NALCN: variants seen among roughly 807,000 people sequenced by gnomAD.
NALCN encodes sodium leak channel, non-selective, also known as sodium leak channel NALCN.
NALCN carries 111 observed loss-of-function variants against 225.3 expected under a neutral mutation model. The observed-to-expected ratio is 0.49, with a 90% CI of 0.42 to 0.58. NALCN has a LOEUF of 0.58. Ranked by LOEUF, NALCN falls within the 20% of genes least tolerant of loss-of-function variation. The pLI is 0.00. For missense variants in NALCN, 1,378 were observed against 2,202.4 expected, an observed-to-expected ratio of 0.63 and a Z score of 7.49; for synonymous variants, 764 against 769.0, an observed-to-expected ratio of 0.99 and a Z score of 0.11.
rs373643944 is a variant in NALCN at position 101,202,737 on chromosome 13, A to G, written c.1627-10683T>C. ...ACAAAGCTCCTGCTCCCATTAGTAC[A>G]TGCCTATCAGCCAGGAGCTTTTCAA... On this transcript the variant is annotated intron_variant, in intron 13 of 43. Transcript: ENST00000251127. Among the ~76,000 whole-genome samples, 36 of 152,280 alleles carry G rather than the reference A, an allele frequency of 2.4e-4. No homozygotes were observed. In the South Asian group the frequency reaches 7.3e-3, roughly 31 times the overall value.
At chr13:101,288,245 C>A (rs1002134053) in intron 9 of NALCN, among the ~76,000 whole-genome samples, 1 of 152,128 alleles carries the variant, frequency 6.6e-6, no homozygotes, top group Non-Finnish European at 1.5e-5. Context: ...GCTAGAAGCA[C>A]CCTTCCCTGA....
intron 10 of NALCN, among the ~76,000 whole-genome samples, chr13:101,271,057 A>G (rs2042760268): frequency 6.6e-6 from 1 of 152,228 alleles, no homozygotes; most frequent in Admixed American, 6.5e-5. Context: ...GGATGAAAAT[A>G]TAATAGGAGA....
chr13:101,260,845 A>C (rs2042401230), intron 10 of NALCN, among the ~76,000 whole-genome samples: 1 of 152,084 alleles, frequency 6.6e-6, no homozygotes, highest in Admixed American at 6.5e-5. Flanking sequence ...TGTTAATTGT[A>C]TCTTTTGCTG....
intron 18 of NALCN, among the ~76,000 whole-genome samples, chr13:101,112,244 C>A (rs1408970497): frequency 1.3e-5 from 2 of 150,052 alleles, no homozygotes; most frequent in African/African-American, 2.4e-5. Flanking sequence ...CCTACAGAAA[C>A]CTCAATCTGA....
At chr13:101,239,093 GC>G (rs937441182) in intron 11 of NALCN, among the ~76,000 whole-genome samples, 8 of 151,938 alleles carry the variant, frequency 5.3e-5, no homozygotes, top group Non-Finnish European at 8.8e-5. Context: ...GAACTCCTTT[GC>G]CCACGTTTCT....
chr13:101,409,714 A>G (rs778528629), intron 1 of NALCN, among the ~76,000 whole-genome samples: 4 of 152,268 alleles, frequency 2.6e-5, no homozygotes, highest in Non-Finnish European at 4.4e-5. Flanking sequence ...TAAACATAAC[A>G]GAAGATCAAA....
intron 6 of NALCN, among the ~76,000 whole-genome samples, chr13:101,357,435 T>C (rs1316817268): frequency 6.6e-6 from 1 of 152,038 alleles, no homozygotes; most frequent in Non-Finnish European, 1.5e-5. Flanking sequence ...CCATTCACAA[T>C]TGCTACAAAG....
At chr13:101,313,557 A>C (rs1257871185) in intron 7 of NALCN, among the ~76,000 whole-genome samples, 12 of 152,190 alleles carry the variant, frequency 7.9e-5, no homozygotes, top group Non-Finnish European at 1.5e-4. Context: ...ATGCAGCCAA[A>C]AAACACATGA....
At chr13:101,188,696 T>A (rs968712156) in intron 14 of NALCN, among the ~76,000 whole-genome samples, 78 of 150,986 alleles carry the variant, frequency 5.2e-4, no homozygotes, top group Non-Finnish European at 1.0e-3. Context: ...ATATATATAT[T>A]TTTTTGAGAT....
intron 15 of NALCN, among the ~76,000 whole-genome samples, chr13:101,171,268 T>C (rs983027937): frequency 6.7e-6 from 1 of 148,896 alleles, no homozygotes; most frequent in Non-Finnish European, 1.5e-5. Flanking sequence ...ATTTATGTCA[T>C]GTATTACATA....
intron 33 of NALCN, among the ~76,000 whole-genome samples, chr13:101,082,600 A>G (rs563659724): frequency 2.4e-4 from 36 of 152,210 alleles, no homozygotes; most frequent in Middle Eastern, 3.2e-3. Flanking sequence ...AACAATCGAC[A>G]GCAGCATTTC....
chr13:101,400,548 T>TGTGTG (rs759936265), intron 1 of NALCN, among the ~76,000 whole-genome samples: 4,365 of 77,034 alleles, frequency 0.057, 89 homozygotes, highest in South Asian at 0.1. Flanking sequence ...GTTTGCAGTG[T>TGTGTG]GTGTGTGTGT....
chr13:101,271,967 G>C (rs1185461931), intron 10 of NALCN, among the ~76,000 whole-genome samples: 1 of 144,554 alleles, frequency 6.9e-6, no homozygotes, highest in Admixed American at 6.7e-5. Flanking sequence ...TGTGCGTGTA[G>C]ATATGTGTGT....
intron 7 of NALCN, among the ~76,000 whole-genome samples, chr13:101,308,617 C>T (rs1417956319): frequency 6.6e-6 from 1 of 152,172 alleles, no homozygotes; most frequent in Admixed American, 6.5e-5. Flanking sequence ...ATTACATAGA[C>T]TGAGACTCAA....
At chr13:101,055,685 A>G (rs932101721) in intron 43 of NALCN, among the ~76,000 whole-genome samples, 197 bp from the exon 44 acceptor site, 1 of 152,122 alleles carries the variant, frequency 6.6e-6, no homozygotes, top group African/African-American at 2.4e-5. Flanking sequence ...CTCATGGACA[A>G]CTAATGATGT....
chr13:101,234,079 G>T (rs951936804), intron 12 of NALCN, among the ~76,000 whole-genome samples: 3 of 152,150 alleles, frequency 2.0e-5, no homozygotes, highest in Non-Finnish European at 4.4e-5. Context: ...TCTTCAGAGA[G>T]GGCTTCTATG....
rs1308402977 is a variant in NALCN, at chr13:101,192,180, A to C, written c.1627-126T>G. ...ATTTTTATCTGATCAGGGCAAGAAC[A>C]GTCTTGATTCAACACATAGGAAAGA... On this transcript the variant is annotated intron_variant, in intron 13 of 43. Coordinates refer to ENST00000251127, the MANE Select transcript of NALCN (RefSeq NM_052867.4). The C allele has an allele frequency of 3.5e-5, 36 of 1,017,676 alleles. No homozygotes were observed. The East Asian group carries it at 1.1e-3, about 31-fold the overall frequency. The allele number at this position is 1,017,676 out of a possible 1,614,324, so 63.0% of individuals were successfully genotyped here. A position where few individuals can be genotyped will look rare whatever the true frequency, so the allele number is the denominator to read the frequency against.
chr13:101,417,104 CCT>C (rs1291350678), upstream of NALCN, among the ~76,000 whole-genome samples: 2 of 152,090 alleles, frequency 1.3e-5, no homozygotes, highest in African/African-American at 4.8e-5. Context: ...CACCCCATAC[CCT>C]GTGAGTATAC....
intron 30 of NALCN, among the ~76,000 whole-genome samples, chr13:101,087,895 T>G (rs928364573): frequency 6.6e-6 from 1 of 152,206 alleles, no homozygotes; most frequent in Non-Finnish European, 1.5e-5. Flanking sequence ...TTCTTAACGG[T>G]GTTCTGGGCA....
Sources: gnomAD v4.1 joint callset for allele counts (sites outside exome capture counted in the v4.1 genomes callset) on GRCh38, gnomAD v4.1.1 for gene constraint, MANE v1.5 for transcripts, NCBI Gene and HGNC (gene_info 2026-07-23, HGNC 2026-07-21) for gene names.